Variants in SBF2 observed in about 807,000 individuals in gnomAD.
The protein encoded by SBF2 is myotubularin-related protein 13.
Under a neutral mutation model 225.2 loss-of-function variants are expected in SBF2, and 112 were observed. The ratio of observed to expected loss-of-function variants is 0.50; its 90% confidence interval spans 0.43 to 0.58. SBF2 has a LOEUF of 0.58. Ranked by LOEUF, SBF2 falls within the 20% of genes least tolerant of loss-of-function variation. The probability of loss-of-function intolerance (pLI) is 0.00; values close to 1 mark genes in which losing one functional copy is unlikely to be tolerated. For missense variants in SBF2, 1,996 were observed against 2,206.2 expected, an observed-to-expected ratio of 0.90 and a Z score of 1.91; for synonymous variants, 763 against 773.3, an observed-to-expected ratio of 0.99 and a Z score of 0.22.
chr11:10,114,485 A>C (rs61878632), intron 2 of SBF2, among the ~76,000 whole-genome samples: 28,509 of 152,018 alleles, frequency 0.19, 2,837 homozygotes, highest in East Asian at 0.29. Flanking sequence ...CTTTATATCT[A>C]CATGCTGTTT....
chr11:10,110,598 C>G (rs1952791654), intron 2 of SBF2, among the ~76,000 whole-genome samples: 1 of 152,042 alleles, frequency 6.6e-6, no homozygotes, highest in African/African-American at 2.4e-5. Context: ...TGTATGGTCT[C>G]AAAATTTCAA....
chr11:9,840,171 T>G (rs1043643465), intron 25 of SBF2, among the ~76,000 whole-genome samples: 1 of 151,012 alleles, frequency 6.6e-6, no homozygotes, highest in Non-Finnish European at 1.5e-5. Context: ...GAGGTGGAGG[T>G]TGCAGTGAGC....
intron 2 of SBF2, among the ~76,000 whole-genome samples, chr11:10,054,894 T>A (rs893369101): frequency 1.7e-5 from 2 of 115,746 alleles, no homozygotes; most frequent in Admixed American, 1.0e-4. Flanking sequence ...TTTGTTTGCA[T>A]GTTTTTTTTT....
chr11:10,198,439 TG>T, intron 1 of SBF2, among the ~76,000 whole-genome samples: 1 of 152,370 alleles, frequency 6.6e-6, no homozygotes. Context: ...TATAAATAGA[TG>T]TGCTGTCATC....
chr11:10,204,993 C>T (rs1205050040), intron 1 of SBF2, among the ~76,000 whole-genome samples: 1 of 150,752 alleles, frequency 6.6e-6, no homozygotes, highest in African/African-American at 2.4e-5. Flanking sequence ...GAACAATACA[C>T]ACCGCGGCCT....
intron 1 of SBF2, among the ~76,000 whole-genome samples, chr11:10,253,871 C>A (rs59807815): frequency 0.2 from 29,920 of 151,566 alleles, 3,122 homozygotes; most frequent in Middle Eastern, 0.26. Flanking sequence ...AATCTGGCCA[C>A]AAGATACATG....
At chr11:9,968,736 G>C (rs1284724944) in intron 13 of SBF2, among the ~76,000 whole-genome samples, 191 bp from the exon 14 acceptor site, 2 of 152,096 alleles carry the variant, frequency 1.3e-5, no homozygotes, top group African/African-American at 2.4e-5. Flanking sequence ...GATACAGCTT[G>C]GCATCTGTCT....
chr11:10,048,762 CAT>C lies in SBF2; in HGVS notation c.142-5783_142-5782del, dbSNP rs576927934. 3.9e-3 allele frequency among the ~76,000 whole-genome samples: 590 copies of C among 152,264 alleles called. 4 individuals carry two copies. Among genetic ancestry groups the C allele is most frequent in the South Asian group, 5.4e-3 (26 of 4,828 alleles). On this transcript the variant is annotated intron_variant, in intron 2 of 39. Coordinates refer to ENST00000256190, the MANE Select transcript of SBF2 (RefSeq NM_030962.4). The stretch of plus-strand genomic sequence containing the variant: ...TTATATTTTAAGTATTATATAGTGA[CAT>C]GTGTCAATATTTGGAAGCTGTATAT...
intron 1 of SBF2, among the ~76,000 whole-genome samples, chr11:10,227,214 G>C (rs1958609306): frequency 6.6e-6 from 1 of 152,122 alleles, no homozygotes; most frequent in East Asian, 1.9e-4. Flanking sequence ...GTAGATTCTG[G>C]ATATTAGACC....
intron 2 of SBF2, among the ~76,000 whole-genome samples, chr11:10,127,028 T>C (rs1953788691): frequency 6.6e-6 from 1 of 151,730 alleles, no homozygotes; most frequent in Non-Finnish European, 1.5e-5. Context: ...TACCAGGAGG[T>C]AGGGGCAAAG....
At chr11:9,818,047 G>A (rs1455865736) in intron 28 of SBF2, among the ~76,000 whole-genome samples, 3 of 152,176 alleles carry the variant, frequency 2.0e-5, no homozygotes, top group African/African-American at 4.8e-5. Context: ...CTGGGTTCAA[G>A]CGATTCTCCT....
At chr11:10,077,399 A>T (rs767643573) in intron 2 of SBF2, among the ~76,000 whole-genome samples, 3 of 152,168 alleles carry the variant, frequency 2.0e-5, no homozygotes, top group Non-Finnish European at 4.4e-5. Context: ...CTGACTTCAA[A>T]CTATACTACA....
intron 16 of SBF2, among the ~76,000 whole-genome samples, chr11:9,941,722 T>C (rs1294660590): frequency 1.3e-5 from 2 of 152,120 alleles, no homozygotes; most frequent in East Asian, 3.8e-4. Flanking sequence ...GATTAAACTT[T>C]AAAAGAAAGG....
chr11:9,977,897 A>C (rs1022702465), intron 13 of SBF2, among the ~76,000 whole-genome samples: 1 of 152,216 alleles, frequency 6.6e-6, no homozygotes, highest in Non-Finnish European at 1.5e-5. Context: ...GAGAAGAGAC[A>C]GGAAAATTAA....
intron 2 of SBF2, among the ~76,000 whole-genome samples, chr11:10,191,734 C>T (rs961632219): frequency 3.3e-5 from 5 of 152,166 alleles, no homozygotes; most frequent in Non-Finnish European, 7.4e-5. Context: ...ACATTTATAG[C>T]ACTTGAACAT....
intron 16 of SBF2, among the ~76,000 whole-genome samples, chr11:9,903,239 G>A (rs552642858): frequency 1.7e-4 from 26 of 152,042 alleles, no homozygotes; most frequent in Non-Finnish European, 3.4e-4. Flanking sequence ...GGAGAAGGGC[G>A]TGAACCCGGG....
chr11:10,273,081 A>C (rs1276174794), intron 1 of SBF2, among the ~76,000 whole-genome samples: 1 of 148,710 alleles, frequency 6.7e-6, no homozygotes, highest in East Asian at 1.9e-4. Flanking sequence ...GAAAAAAAAA[A>C]TAAATAAATA....
At chr11:9,994,598 A>G (rs1404398104) in intron 9 of SBF2, among the ~76,000 whole-genome samples, 1 of 150,756 alleles carries the variant, frequency 6.6e-6, no homozygotes, top group African/African-American at 2.4e-5. Flanking sequence ...ATATATGAAA[A>G]TGAAAAGTTC....
chr11:9,830,754 AAAAACAAAAACAAAAC>A (rs1349590494), intron 27 of SBF2, among the ~76,000 whole-genome samples: 1 of 151,492 alleles, frequency 6.6e-6, no homozygotes, highest in Non-Finnish European at 1.5e-5. Flanking sequence ...ACAAAAAAAA[AAAAACAAAAACAAAAC>A]AAAACAAAAA....
Sources: allele counts gnomAD v4.1 joint callset (sites outside exome capture counted in the v4.1 genomes callset), GRCh38; gene constraint gnomAD v4.1.1; transcripts MANE v1.5; gene names NCBI Gene and HGNC (gene_info 2026-07-23, HGNC 2026-07-21).